The following DNER variants were observed in gnomAD, a reference collection of about 807,000 sequenced individuals.
The protein encoded by DNER is delta and Notch-like epidermal growth factor-related receptor.
DNER carries 33 observed loss-of-function variants against 78.2 expected under a neutral mutation model. The observed-to-expected ratio is 0.42, with a 90% CI of 0.32 to 0.56. The LOEUF (loss-of-function observed/expected upper bound fraction) is 0.56. DNER is among the 20% of genes least tolerant of loss of function. The pLI is 0.11. For missense variants in DNER, 918 were observed against 975.3 expected (o/e 0.94, Z 0.78); for synonymous variants, 417 against 384.8 (o/e 1.08, Z -0.98).
intron 1 of DNER, among the ~76,000 whole-genome samples, chr2:229,616,372 T>TC (rs397819512): frequency 1.3e-5 from 2 of 152,056 alleles, no homozygotes; most frequent in African/African-American, 4.8e-5. Context: ...ATTTTTTTTT[T>TC]CTCATTGGCC....
At chr2:229,476,993 G>C (rs903752374) in intron 7 of DNER, 147 bp downstream of exon 7, 1 of 586,760 alleles carries the variant, frequency 1.7e-6, no homozygotes, top group Non-Finnish European at 2.9e-6. Context: ...TAAAAAGGGG[G>C]ACTATCTTCT....
intron 4 of DNER, among the ~76,000 whole-genome samples, chr2:229,578,695 ACTCT>A (rs961017531): frequency 6.6e-6 from 1 of 151,682 alleles, no homozygotes; most frequent in East Asian, 1.9e-4. Flanking sequence ...CTCCAAAATC[ACTCT>A]CTCTGTCAAA....
chr2:229,376,881 C>A lies in DNER; in HGVS notation c.1856-9762G>T, dbSNP rs73096282. ...TCTTGGTTTATACAAAAATGAGAAC[C>A]AAAGAGCCAACCTATTTGTATAATA... On this transcript the variant is annotated intron_variant, in intron 11 of 12. Coordinates refer to ENST00000341772, the MANE Select transcript of DNER (RefSeq NM_139072.4). Among the ~76,000 whole-genome samples the A allele has an allele frequency of 6.3e-3, 956 of 152,130 alleles. 6 individuals are homozygous for A. The highest frequency in any genetic ancestry group is 0.021 in the African/African-American group (887 of 41,506).
At chr2:229,490,427 T>C (rs1051563812) in intron 6 of DNER, among the ~76,000 whole-genome samples, 2 of 152,182 alleles carry the variant, frequency 1.3e-5, no homozygotes, top group Non-Finnish European at 2.9e-5. Context: ...TTATACCTGG[T>C]ATAACCTGAA....
intron 7 of DNER, among the ~76,000 whole-genome samples, chr2:229,468,942 A>G (rs1258717335): frequency 6.6e-6 from 1 of 152,184 alleles, no homozygotes; most frequent in Admixed American, 6.5e-5. Context: ...AAGTAACCAG[A>G]TGAGATGAGA....
At chr2:229,547,787 T>C (rs906246061) in intron 4 of DNER, among the ~76,000 whole-genome samples, 4 of 152,236 alleles carry the variant, frequency 2.6e-5, no homozygotes, top group Non-Finnish European at 5.9e-5. Flanking sequence ...CACACCGTAT[T>C]TGTCATTGAA....
At chr2:229,513,236 C>T (rs1352307733) in intron 5 of DNER, among the ~76,000 whole-genome samples, 4 of 152,178 alleles carry the variant, frequency 2.6e-5, no homozygotes, top group Admixed American at 6.5e-5. Flanking sequence ...GCTGGCCAGA[C>T]ATGGAAATGG....
intron 1 of DNER, among the ~76,000 whole-genome samples, chr2:229,602,431 A>C (rs1169364156): frequency 6.6e-6 from 1 of 152,180 alleles, no homozygotes; most frequent in Non-Finnish European, 1.5e-5. Context: ...GGAAGAAAGC[A>C]AGGATGTTTG....
At chr2:229,702,896 G>T (rs1699770240) in intron 1 of DNER, among the ~76,000 whole-genome samples, 1 of 124,602 alleles carries the variant, frequency 8.0e-6, no homozygotes, top group African/African-American at 3.1e-5. Context: ...CAGCCTGGGG[G>T]ACACAGCGAG....
chr2:229,528,792 G>A (rs1696252233), intron 5 of DNER, among the ~76,000 whole-genome samples: 1 of 152,198 alleles, frequency 6.6e-6, no homozygotes, highest in Non-Finnish European at 1.5e-5. Context: ...AAAAATGTGA[G>A]TGTCTTTGCA....
chr2:229,613,363 A>G (rs1455970096), intron 1 of DNER, among the ~76,000 whole-genome samples: 13 of 152,258 alleles, frequency 8.5e-5, no homozygotes, highest in Admixed American at 8.5e-4. Context: ...CCTGAATTAC[A>G]GTCACAGCAA....
chr2:229,522,139 T>C (rs996212615), intron 5 of DNER, among the ~76,000 whole-genome samples: 1 of 152,200 alleles, frequency 6.6e-6, no homozygotes, highest in Admixed American at 6.5e-5. Context: ...TTTTAAATAA[T>C]AGTAGCAATA....
intron 12 of DNER, among the ~76,000 whole-genome samples, chr2:229,363,036 G>A (rs73096238): frequency 0.16 from 24,294 of 152,178 alleles, 3,503 homozygotes; most frequent in African/African-American, 0.39. Flanking sequence ...CTTCTAGCTC[G>A]TAGAGCAGTC....
chr2:229,690,663 T>C (rs943919716), intron 1 of DNER, among the ~76,000 whole-genome samples: 5 of 152,176 alleles, frequency 3.3e-5, no homozygotes, highest in Admixed American at 3.3e-4. Context: ...GTTCAAGGGC[T>C]TATATCTGTG....
chr2:229,563,517 A>C (rs1204591945), intron 4 of DNER, among the ~76,000 whole-genome samples: 3 of 134,218 alleles, frequency 2.2e-5, no homozygotes, highest in Admixed American at 7.5e-5. Flanking sequence ...CAACATCATC[A>C]TCCCATCACC....
chr2:229,649,880 C>A lies in DNER; in HGVS notation c.277-57992G>T, dbSNP rs1313794056. 2.0e-5 allele frequency among the ~76,000 whole-genome samples: 3 copies of A among 152,028 alleles called. No individual in the cohort carries two copies. In the East Asian group the frequency reaches 5.8e-4, roughly 29 times the overall value. On this transcript the variant is annotated intron_variant, in intron 1 of 12. Transcript: ENST00000341772. ...ACGAGGTCAGGAGATCGAGACCATC[C>A]TGGCTAATATGGTGAAACCCCATCT...
intron 4 of DNER, among the ~76,000 whole-genome samples, chr2:229,574,345 G>A (rs967549738): frequency 4.6e-5 from 7 of 151,976 alleles, no homozygotes; most frequent in Non-Finnish European, 7.4e-5. Flanking sequence ...AGGAAGGAAC[G>A]AATTGTGTAA....
At chr2:229,586,508 TAAAAAAAAAAAAAAAAAAAA>T (rs555047737) in intron 3 of DNER, among the ~76,000 whole-genome samples, 1 of 13,484 alleles carries the variant, frequency 7.4e-5, no homozygotes, top group African/African-American at 2.7e-4. Context: ...TCATTTTTGG[TAAAAAAAAAAAAAAAAAAAA>T]AAAAAAAAAA....
intron 6 of DNER, among the ~76,000 whole-genome samples, chr2:229,496,308 C>T (rs959243215): frequency 1.1e-4 from 16 of 152,072 alleles, no homozygotes; most frequent in Admixed American, 9.8e-4. Context: ...ATCTATAGTC[C>T]ATTTAATATT....
Sources: allele counts gnomAD v4.1 joint callset (sites outside exome capture counted in the v4.1 genomes callset), GRCh38; gene constraint gnomAD v4.1.1; transcripts MANE v1.5; gene names NCBI Gene and HGNC (gene_info 2026-07-23, HGNC 2026-07-21).